CLUL1: variants seen among roughly 807,000 people sequenced by gnomAD.
The protein encoded by CLUL1 is clusterin-like protein 1.
A neutral mutation model predicts 49.4 loss-of-function variants in CLUL1; 43 were observed. That is an observed-to-expected ratio of 0.87 (90% CI 0.68 to 1.12). CLUL1 has a LOEUF of 1.12. Ranked by LOEUF, CLUL1 falls within the 50% of genes most tolerant of loss-of-function variation. The pLI is 0.00. For synonymous variants in CLUL1, 192 were observed against 184.9 expected (o/e 1.04, Z -0.31); for missense variants, 486 against 544.4 (o/e 0.89, Z 1.07).
intron 2 of CLUL1, among the ~76,000 whole-genome samples, chr18:615,864 T>C (rs748850810): frequency 1.3e-5 from 2 of 152,194 alleles, no homozygotes; most frequent in Non-Finnish European, 2.9e-5. Context: ...TGTGTCACTC[T>C]CTGTGCCCAG....
intron 8 of CLUL1, among the ~76,000 whole-genome samples, chr18:642,761 C>T (rs1323714608): frequency 1.3e-5 from 2 of 152,224 alleles, no homozygotes; most frequent in African/African-American, 2.4e-5. Flanking sequence ...CCCACTGGTG[C>T]TGGTGCTGCT....
rs980858867 is a variant in CLUL1 at position 608,498 on chromosome 18, TTAAAA to T, written c.-14+1400_-14+1404del. On this transcript the variant is annotated intron_variant, in intron 2 of 9. Transcript: ENST00000692774. ...AAGTCATATTAATTCACAATTTTGA[TTAAAA>T]CAAACAAACAAACAAACAACTTCTG... Among the ~76,000 whole-genome samples the T allele has an allele frequency of 5.1e-3, 747 of 145,328 alleles. 9 individuals are homozygous for T. Among genetic ancestry groups the T allele is most frequent in the African/African-American group, 0.02 (728 of 36,934 alleles).
intron 6 of CLUL1, among the ~76,000 whole-genome samples, chr18:632,312 G>T (rs145835054): frequency 1.8e-4 from 26 of 146,384 alleles, no homozygotes; most frequent in African/African-American, 6.7e-4. Flanking sequence ...ACACATACTC[G>T]CACACATATG....
At chr18:611,060 C>T (rs1349674478) in intron 2 of CLUL1, among the ~76,000 whole-genome samples, 1 of 151,952 alleles carries the variant, frequency 6.6e-6, no homozygotes, top group Non-Finnish European at 1.5e-5. Flanking sequence ...GTCCACTTCC[C>T]ATGCTCCTTG....
chr18:608,975 T>C (rs1190874099), intron 2 of CLUL1, among the ~76,000 whole-genome samples: 1 of 152,222 alleles, frequency 6.6e-6, no homozygotes, highest in African/African-American at 2.4e-5. Flanking sequence ...TTTTTCCATA[T>C]ATAGGCTGAG....
At position 606,905 on chromosome 18, in the gene CLUL1, G is replaced by A. The variant is rs2072987302; in HGVS notation, c.-135-73G>A. 3 of 583,914 alleles carry A rather than the reference G, an allele frequency of 5.1e-6. No individual in the cohort carries two copies. Among genetic ancestry groups the A allele is most frequent in the Non-Finnish European group, 9.1e-6 (3 of 329,408 alleles). 36.2% of individuals were successfully genotyped at this position (583,914 alleles called of 1,614,324 possible). A position where few individuals can be genotyped will look rare whatever the true frequency, so the allele number is the denominator to read the frequency against. On this transcript the variant is annotated intron_variant, in intron 1 of 9. Transcript: ENST00000692774. This position sits in a 1 kb window ranked among gnomAD's most constrained non-coding sequence, Gnocchi z 4.1. Reference sequence around the variant, plus strand: ...CCCTCAGTGCTCACTACTTTGCAGTGTTCATAGAATATTTGTAATAATTTT... The same window carrying A: ...CCCTCAGTGCTCACTACTTTGCAGTATTCATAGAATATTTGTAATAATTTT...
At position 633,308 on chromosome 18, in the gene CLUL1, C is replaced by G; in HGVS notation, c.867C>G (p.His289Gln). ...DLPKQDKAPD[H>Q]GGLISKMLPG... ...TTATGTTCCCTGTAGCTCCTGACCA[C>G]GGAGGCCTGATTTCAAAGATGTTAC... The change falls in exon 7 of 10, where the codon CAC (histidine) becomes CAG (glutamine). Residue 289 changes from histidine to glutamine, a missense_variant. Transcript: ENST00000692774. 6.2e-7 allele frequency: 1 copy of G among 1,612,268 alleles called. No individual in the cohort carries two copies. Among genetic ancestry groups the G allele is most frequent in the Non-Finnish European group, 8.5e-7 (1 of 1,178,964 alleles).
chr18:624,955 T>A lies in CLUL1; in HGVS notation c.346T>A (p.Cys116Ser). The change falls in exon 5 of 10, where the codon TGC becomes AGC. Residue 116 changes from cysteine (C) to serine (S), a missense_variant. By Grantham distance (112) the Cys-to-Ser change is moderately radical. Coordinates refer to ENST00000692774, the MANE Select transcript of CLUL1 (RefSeq NM_001393344.1). The stretch of plus-strand genomic sequence containing the variant: ...GTCTTTGGCAGATTCCTGGGGTGAA[T>A]GCAGGTCTTGCCTGGAAAATAACTG... Reference protein sequence around the residue: ...RESLADSWGECRSCLENNCMR... With the variant: ...RESLADSWGESRSCLENNCMR... The A allele has an allele frequency of 3.1e-6, 5 of 1,614,142 alleles. No individual in the cohort carries two copies. The highest frequency in any genetic ancestry group is 4.2e-6 in the Non-Finnish European group (5 of 1,179,998).
intron 8 of CLUL1, among the ~76,000 whole-genome samples, chr18:641,990 C>CT (rs1188237550): frequency 6.6e-6 from 1 of 152,158 alleles, no homozygotes; most frequent in Non-Finnish European, 1.5e-5. Context: ...TCATAGCTAT[C>CT]TTAACGTGTA....
At position 623,034 on chromosome 18, in the gene CLUL1, C is replaced by CT. The variant is rs112757495; in HGVS notation, c.256-1816dup. On this transcript the variant is annotated intron_variant, in intron 4 of 9. Transcript: ENST00000692774. ...ATTGTTACTTGCCTTGGAGAAACAA[C>CT]TTTTTTTTTTTTTTTGAGACAGAGT... 9.8e-3 allele frequency among the ~76,000 whole-genome samples: 1,399 copies of CT among 143,366 alleles called. 18 individuals carry two copies. Among genetic ancestry groups the CT allele is most frequent in the African/African-American group, 0.024 (924 of 39,090 alleles). The allele number at this position is 143,366 out of a possible 152,430, so 94.1% of individuals were successfully genotyped here. A position where few individuals can be genotyped will look rare whatever the true frequency, so the allele number is the denominator to read the frequency against.
At chr18:638,768 G>T (rs2144155740) in intron 7 of CLUL1, among the ~76,000 whole-genome samples, 1 of 152,012 alleles carries the variant, frequency 6.6e-6, no homozygotes, top group South Asian at 2.1e-4. Flanking sequence ...TGAGGCAGGA[G>T]AATCGCTTGA....
rs1461274522 is a variant in CLUL1, at chr18:636,973, TG to T, written c.994+3539del. On this transcript the variant is annotated intron_variant, in intron 7 of 9. Coordinates refer to ENST00000692774, the MANE Select transcript of CLUL1 (RefSeq NM_001393344.1). The stretch of plus-strand genomic sequence containing the variant: ...ACCAGCCTGGGTTCTTTGTTTTTTT[TG>T]TTTTGTTTTGTTTTTGTTTTTGTTT... 3.1e-3 allele frequency among the ~76,000 whole-genome samples: 376 copies of T among 120,958 alleles called. 3 individuals carry two copies. The highest frequency in any genetic ancestry group is 0.012 in the African/African-American group (348 of 27,920). The allele number at this position is 120,958 out of a possible 152,430, so 79.4% of individuals were successfully genotyped here.
intron 2 of CLUL1, among the ~76,000 whole-genome samples, chr18:615,898 C>T (rs377677806): frequency 9.4e-4 from 143 of 152,306 alleles, no homozygotes; most frequent in African/African-American, 3.3e-3. Context: ...AAACTCCAGA[C>T]TGCATGTTGC....
intron 4 of CLUL1, among the ~76,000 whole-genome samples, chr18:622,561 G>A (rs767001474): frequency 3.9e-5 from 6 of 152,184 alleles, no homozygotes; most frequent in African/African-American, 7.2e-5. Context: ...AACGGAAGGC[G>A]TCGATAGGAT....
intron 6 of CLUL1, 31 bp downstream of exon 6, chr18:627,560 G>T: frequency 6.7e-7 from 1 of 1,491,036 alleles, no homozygotes; most frequent in Non-Finnish European, 9.1e-7. Context: ...TTTACTTAGA[G>T]GTTTACACTA....
At chr18:604,560 C>T (rs972241602) in intron 1 of CLUL1, among the ~76,000 whole-genome samples, 2 of 152,170 alleles carry the variant, frequency 1.3e-5, no homozygotes, top group Non-Finnish European at 2.9e-5. Context: ...TATACATACA[C>T]ACACTTTATT....
chr18:647,345 C>T (rs1009136989), intron 9 of CLUL1, among the ~76,000 whole-genome samples: 1 of 152,152 alleles, frequency 6.6e-6, no homozygotes, highest in Non-Finnish European at 1.5e-5. Context: ...GGTACCTGCC[C>T]TCTGTGAGTT....
intron 6 of CLUL1, 131 bp downstream of exon 6, chr18:627,660 T>C: frequency 3.1e-6 from 2 of 649,550 alleles, no homozygotes; most frequent in Non-Finnish European, 5.2e-6. Context: ...TGGAAAATGT[T>C]TCAGAGCCTC....
chr18:623,537 G>A (rs1252205485), intron 4 of CLUL1, among the ~76,000 whole-genome samples: 4 of 151,136 alleles, frequency 2.6e-5, no homozygotes, highest in African/African-American at 9.7e-5. Context: ...CCCAGCTACT[G>A]GGGAGGCTGA....
Sources: gnomAD v4.1 joint callset for allele counts (sites outside exome capture counted in the v4.1 genomes callset) on GRCh38, gnomAD v4.1.1 for gene constraint, Gnocchi (gnomAD v3.1) non-coding constraint, MANE v1.5 for transcripts, NCBI Gene and HGNC (gene_info 2026-07-23, HGNC 2026-07-21) for gene names.